ZBTB20: variants seen among roughly 807,000 people sequenced by gnomAD.
ZBTB20 encodes the protein zinc finger and BTB domain-containing protein 20.
ZBTB20 carries 9 observed loss-of-function variants against 56.9 expected under a neutral mutation model. The observed-to-expected ratio is 0.16, with a 90% CI of 0.10 to 0.28. ZBTB20 has a LOEUF of 0.28. Among genes scored for constraint, ZBTB20 ranks in the 10% least tolerant of loss-of-function variants. The pLI is 1.00. For synonymous variants in ZBTB20, 417 were observed against 420.7 expected (o/e 0.99, Z 0.11); for missense variants, 655 against 1,003.0 (o/e 0.65, Z 4.69).
At chr3:114,681,982 T>C (rs2062002277) in intron 6 of ZBTB20, among the ~76,000 whole-genome samples, 1 of 152,186 alleles carries the variant, frequency 6.6e-6, no homozygotes, top group African/African-American at 2.4e-5. Context: ...TAAATGTTAG[T>C]TTCTGTTTTT....
chr3:114,979,827 T>C (rs1040955429), intron 2 of ZBTB20, among the ~76,000 whole-genome samples: 3 of 152,030 alleles, frequency 2.0e-5, no homozygotes, highest in African/African-American at 7.2e-5. Context: ...GATTTGGATA[T>C]ATTATTAGAG....
intron 6 of ZBTB20, among the ~76,000 whole-genome samples, chr3:114,520,790 TA>T (rs1340447059): frequency 2.6e-5 from 4 of 152,162 alleles, no homozygotes; most frequent in African/African-American, 9.7e-5. Flanking sequence ...AAAAGCATCC[TA>T]AATTCAACAT....
intron 7 of ZBTB20, among the ~76,000 whole-genome samples, chr3:114,435,277 G>A (rs989874567): frequency 3.3e-5 from 5 of 152,042 alleles, no homozygotes; most frequent in African/African-American, 1.2e-4. Context: ...AAGGGAGGAA[G>A]ATAACAGTGA....
At chr3:114,457,157 G>A (rs575832131) in intron 7 of ZBTB20, among the ~76,000 whole-genome samples, 1 of 152,318 alleles carries the variant, frequency 6.6e-6, no homozygotes, top group African/African-American at 2.4e-5. Context: ...CTTAGTAAAT[G>A]TCTGTTGGTG....
At chr3:114,954,418 G>T (rs1382395807) in intron 3 of ZBTB20, among the ~76,000 whole-genome samples, 2 of 152,062 alleles carry the variant, frequency 1.3e-5, no homozygotes, top group Non-Finnish European at 1.5e-5. Context: ...ATCCTTAAAA[G>T]AAATCAGGTA....
intron 6 of ZBTB20, among the ~76,000 whole-genome samples, chr3:114,611,749 A>G (rs1230848875): frequency 9.9e-5 from 15 of 152,060 alleles, no homozygotes; most frequent in Admixed American, 9.8e-4. Flanking sequence ...TCTTTACTTA[A>G]ATTATTGTCA....
At chr3:114,477,795 C>T (rs964518475) in intron 7 of ZBTB20, among the ~76,000 whole-genome samples, 32 of 151,122 alleles carry the variant, frequency 2.1e-4, no homozygotes, top group South Asian at 8.4e-4. Flanking sequence ...GCGCCCGGTC[C>T]GTACCCTGCA....
At chr3:114,788,629 C>A (rs2070723840) in intron 5 of ZBTB20, among the ~76,000 whole-genome samples, 1 of 152,226 alleles carries the variant, frequency 6.6e-6, no homozygotes. Context: ...TTGTCAGCCA[C>A]CAGTTTTTTC....
intron 1 of ZBTB20, among the ~76,000 whole-genome samples, chr3:115,108,630 G>T (rs1419573416): frequency 6.6e-6 from 1 of 152,132 alleles, no homozygotes; most frequent in East Asian, 1.9e-4. Context: ...GTAGAACGAA[G>T]AATCAAATAA....
In ZBTB20 at chr3:114,448,687, C is replaced by T. The variant is rs2091420764; in HGVS notation, c.-255+51665G>A. Among the ~76,000 whole-genome samples the T allele has an allele frequency of 3.9e-5, 6 of 152,164 alleles. No individual in the cohort carries two copies. In the South Asian group the frequency reaches 1.2e-3, roughly 32 times the overall value. Reference sequence around the variant, plus strand: ...TTGTATCAGAAAAAACTTAAACGTTCATATAGCTGCATAAAATTCAGCAGC... The same window carrying T: ...TTGTATCAGAAAAAACTTAAACGTTTATATAGCTGCATAAAATTCAGCAGC... On this transcript the variant is annotated intron_variant, in intron 7 of 11. Coordinates refer to ENST00000675478, the MANE Select transcript of ZBTB20 (RefSeq NM_001348800.3).
intron 8 of ZBTB20, among the ~76,000 whole-genome samples, chr3:114,386,677 C>T (rs570155596): frequency 6.6e-6 from 1 of 152,208 alleles, no homozygotes; most frequent in South Asian, 2.1e-4. Flanking sequence ...CAAAGGGAAG[C>T]CCAAGGACAA....
chr3:114,350,161 G>T, intron 11 of ZBTB20, 113 bp downstream of exon 11: 1 of 1,457,388 alleles, frequency 6.9e-7, no homozygotes, highest in Non-Finnish European at 9.2e-7. Context: ...GGTGGGGTCT[G>T]TTTAAAATCT....
chr3:115,116,772 G>C lies in ZBTB20; in HGVS notation c.-703+30447C>G, dbSNP rs539110448. Among the ~76,000 whole-genome samples the C allele has an allele frequency of 2.6e-5, 4 of 152,076 alleles. No homozygotes were observed. In the South Asian group the frequency reaches 6.2e-4, roughly 24 times the overall value. On this transcript the variant is annotated intron_variant, in intron 1 of 11. Coordinates refer to ENST00000675478, the MANE Select transcript of ZBTB20 (RefSeq NM_001348800.3). ...AGAGAGCAAGAGAAAGAGATTAACT[G>C]TTCAAAATAAGCAATATTTATTAGG...
intron 10 of ZBTB20, among the ~76,000 whole-genome samples, chr3:114,374,271 T>C (rs930566570): frequency 3.3e-5 from 5 of 152,182 alleles, no homozygotes; most frequent in Admixed American, 1.3e-4. Context: ...AATGAAAAGA[T>C]AAATATATAA....
At chr3:114,405,500 T>A (rs1239158228) in intron 7 of ZBTB20, among the ~76,000 whole-genome samples, 1 of 152,156 alleles carries the variant, frequency 6.6e-6, no homozygotes, top group Non-Finnish European at 1.5e-5. Flanking sequence ...CCATGATATA[T>A]CTTGAGAGTA....
At chr3:114,981,071 T>C (rs1004305112) in intron 2 of ZBTB20, among the ~76,000 whole-genome samples, 10 of 152,004 alleles carry the variant, frequency 6.6e-5, no homozygotes, top group Admixed American at 2.6e-4. Context: ...GAAGGGCCTC[T>C]GGGACGATGA....
chr3:114,970,791 A>G (rs554503298), intron 3 of ZBTB20, among the ~76,000 whole-genome samples: 64 of 152,290 alleles, frequency 4.2e-4, no homozygotes, highest in Admixed American at 1.6e-3. Flanking sequence ...CGAGGCGGGC[A>G]GATCACGAGG....
intron 6 of ZBTB20, among the ~76,000 whole-genome samples, chr3:114,564,887 G>A (rs548558387): frequency 1.3e-5 from 2 of 152,284 alleles, no homozygotes; most frequent in East Asian, 1.9e-4. Flanking sequence ...ACTATACCAT[G>A]AGAAATTCCC....
intron 7 of ZBTB20, among the ~76,000 whole-genome samples, chr3:114,498,765 T>G (rs1246146987): frequency 6.6e-6 from 1 of 152,174 alleles, no homozygotes; most frequent in Non-Finnish European, 1.5e-5. Context: ...AGAATCAGAT[T>G]TGCATTTTCC....
Sources: gnomAD v4.1 joint callset for allele counts (sites outside exome capture counted in the v4.1 genomes callset) on GRCh38, gnomAD v4.1.1 for gene constraint, MANE v1.5 for transcripts, NCBI Gene and HGNC (gene_info 2026-07-23, HGNC 2026-07-21) for gene names.